Variants in TTC7A observed in about 807,000 individuals in gnomAD.
The protein encoded by TTC7A is tetratricopeptide repeat protein 7A.
A neutral mutation model predicts 103.7 loss-of-function variants in TTC7A; 110 were observed. The ratio of observed to expected loss-of-function variants is 1.06; its 90% CI spans 0.91 to 1.24. The LOEUF is 1.24. TTC7A is among the 50% of genes most tolerant of loss of function. The pLI is 0.00. For synonymous variants in TTC7A, 521 were observed against 467.9 expected (o/e 1.11, Z -1.47); for missense variants, 1,340 against 1,116.3 (o/e 1.20, Z -2.86).
chr2:46,999,272 A>G (rs942708318), intron 8 of TTC7A, among the ~76,000 whole-genome samples: 13 of 149,832 alleles, frequency 8.7e-5, no homozygotes, highest in Admixed American at 4.0e-4. Context: ...CCATTTATCC[A>G]TCCACCTCCC....
intron 8 of TTC7A, chr2:46,999,730 A>G (rs1676599126): frequency 1.0e-6 from 1 of 985,336 alleles, no homozygotes. Flanking sequence ...GAACTAGGAG[A>G]TACAGGAATC....
At chr2:46,983,798 C>G (rs747498869) in intron 5 of TTC7A, among the ~76,000 whole-genome samples, 8 of 152,110 alleles carry the variant, frequency 5.3e-5, no homozygotes, top group Non-Finnish European at 8.8e-5. Context: ...CTTTATTTGC[C>G]CTTTAGAGAA....
intron 5 of TTC7A, among the ~76,000 whole-genome samples, chr2:46,984,733 A>G (rs1036215001): frequency 3.9e-5 from 6 of 152,186 alleles, no homozygotes; most frequent in Non-Finnish European, 7.3e-5. Flanking sequence ...TGCTCTGGGA[A>G]GGCCAGGTGA....
Position 47,065,180 on chromosome 2 carries a change from G to T in TTC7A, c.2355+4209G>T, listed in dbSNP as rs565182635. 4.6e-5 allele frequency among the ~76,000 whole-genome samples: 7 copies of T among 152,300 alleles called. No homozygotes were observed. The East Asian group carries it at 1.4e-3, about 29-fold the overall frequency. On this transcript the variant is annotated intron_variant, in intron 19 of 19. Coordinates refer to ENST00000319190, the MANE Select transcript of TTC7A (RefSeq NM_020458.4). ...TGGGCGCCTGTAGTCCCAGCTACTC[G>T]GGAATCTGAGGCAGGAGAATGGCGT...
chr2:46,980,683 A>T (rs1250472911), intron 5 of TTC7A, among the ~76,000 whole-genome samples: 2 of 152,180 alleles, frequency 1.3e-5, no homozygotes, highest in African/African-American at 4.8e-5. Context: ...AAATGGAAGG[A>T]GTCTGGGAGG....
rs183556230 is a variant in TTC7A, at chr2:46,999,460, C to T, written c.1065+4261C>T. Reference sequence around the variant, plus strand: ...ATCCATTCATCTGTCTATCCACCCACCATGTATCCATCTAATCTTATTCAA... The same window carrying T: ...ATCCATTCATCTGTCTATCCACCCATCATGTATCCATCTAATCTTATTCAA... On this transcript the variant is annotated intron_variant, in intron 8 of 19. Coordinates refer to ENST00000319190, the MANE Select transcript of TTC7A (RefSeq NM_020458.4). 6.1e-6 allele frequency: 6 copies of T among 985,042 alleles called. No homozygotes were observed. In the African/African-American group the frequency reaches 1.0e-4, roughly 17 times the overall value. 61.0% of individuals were successfully genotyped at this position (985,042 alleles called of 1,614,324 possible). A position where few individuals can be genotyped will look rare whatever the true frequency, so the allele number is the denominator to read the frequency against.
intron 10 of TTC7A, among the ~76,000 whole-genome samples, 166 bp downstream of exon 10, chr2:47,006,890 G>A (rs1677471276): frequency 6.6e-6 from 1 of 152,174 alleles, no homozygotes; most frequent in Non-Finnish European, 1.5e-5. Flanking sequence ...GACACCTTGT[G>A]TGAATTCCTG....
intron 14 of TTC7A, 95 bp from the exon 15 acceptor site, chr2:47,029,129 T>G: frequency 1.4e-6 from 2 of 1,445,538 alleles, no homozygotes; most frequent in Non-Finnish European, 9.5e-7. Flanking sequence ...CTCCCTTGAG[T>G]TGAGTGTGAG....
chr2:46,975,685 AT>A (rs1308886002), intron 4 of TTC7A, among the ~76,000 whole-genome samples: 1 of 151,466 alleles, frequency 6.6e-6, no homozygotes, highest in African/African-American at 2.4e-5. Context: ...GCTCTGGTTT[AT>A]TTTTATGTAT....
intron 3 of TTC7A, among the ~76,000 whole-genome samples, chr2:46,969,035 G>C (rs370961411): frequency 7.3e-5 from 11 of 151,452 alleles, no homozygotes; most frequent in African/African-American, 2.7e-4. Flanking sequence ...CCACAGTGCT[G>C]GGATTACAGA....
chr2:47,044,187 T>C (rs1453948220), intron 15 of TTC7A, among the ~76,000 whole-genome samples: 1 of 152,148 alleles, frequency 6.6e-6, no homozygotes, highest in African/African-American at 2.4e-5. Flanking sequence ...CAAGTCCCAC[T>C]CCACCCTGCT....
At chr2:46,949,607 A>G (rs944293152) in intron 1 of TTC7A, among the ~76,000 whole-genome samples, 8 of 152,174 alleles carry the variant, frequency 5.3e-5, no homozygotes, top group Middle Eastern at 3.2e-3. Context: ...GGTATACCCT[A>G]TATGTGAGAG....
chr2:46,948,206 G>A (rs2103950455), intron 1 of TTC7A, among the ~76,000 whole-genome samples: 1 of 152,314 alleles, frequency 6.6e-6, no homozygotes, highest in South Asian at 2.1e-4. Context: ...AGCATCCTGA[G>A]GGGTGTGTTT....
At chr2:46,970,065 C>G (rs915697130) in intron 3 of TTC7A, among the ~76,000 whole-genome samples, 6 of 152,232 alleles carry the variant, frequency 3.9e-5, no homozygotes, top group Non-Finnish European at 8.8e-5. Context: ...TCTTGGCTTA[C>G]TGCAGCCTCC....
At position 47,039,961 on chromosome 2, in the gene TTC7A, G is replaced by T. The variant is rs569133855; in HGVS notation, c.1803-6354G>T. On this transcript the variant is annotated intron_variant, in intron 15 of 19. Transcript: ENST00000319190. ...GACCCTGTGGGCTGAGATGTCCCCT[G>T]GTTCAGCAGGGGCTGACTCTGTTAG... Among the ~76,000 whole-genome samples, 4 of 152,318 alleles carry T rather than the reference G, an allele frequency of 2.6e-5. No homozygotes were observed. The East Asian group carries it at 7.7e-4, about 29-fold the overall frequency.
chr2:46,974,830 C>T, intron 3 of TTC7A, 143 bp from the exon 4 acceptor site: 2 of 1,192,394 alleles, frequency 1.7e-6, no homozygotes, highest in Non-Finnish European at 2.4e-6. Context: ...CAGCTTCCTC[C>T]CTCCCCTCCG....
intron 3 of TTC7A, among the ~76,000 whole-genome samples, chr2:46,964,287 G>A (rs922000956): frequency 6.6e-5 from 10 of 152,176 alleles, no homozygotes; most frequent in African/African-American, 2.4e-4. Context: ...AAGCCCCGGG[G>A]GAAACAAGGG....
chr2:46,972,532 AAG>A (rs1673459424), intron 3 of TTC7A, among the ~76,000 whole-genome samples: 1 of 152,228 alleles, frequency 6.6e-6, no homozygotes, highest in South Asian at 2.1e-4. Context: ...CCCCAGTGGA[AAG>A]AGCGACAATT....
At chr2:46,993,104 T>C (rs922881439) in intron 5 of TTC7A, among the ~76,000 whole-genome samples, 1 of 152,214 alleles carries the variant, frequency 6.6e-6, no homozygotes, top group African/African-American at 2.4e-5. Flanking sequence ...AATTTGAGAC[T>C]GACTGAGGTC....
Sources: gnomAD v4.1 joint callset for allele counts (sites outside exome capture counted in the v4.1 genomes callset) on GRCh38, gnomAD v4.1.1 for gene constraint, MANE v1.5 for transcripts, NCBI Gene and HGNC (gene_info 2026-07-23, HGNC 2026-07-21) for gene names.